The following PSEN1 variants were observed in gnomAD, a reference collection of about 807,000 sequenced individuals.
The protein encoded by PSEN1 is presenilin 1.
Under a neutral mutation model 53.5 loss-of-function variants are expected in PSEN1, and 15 were observed. The observed-to-expected ratio is 0.28, with a 90% CI of 0.19 to 0.43. The LOEUF is 0.43. Among genes scored for constraint, PSEN1 ranks in the 20% least tolerant of loss-of-function variants. The probability of loss-of-function intolerance (pLI) is 1.00; values close to 1 mark genes in which losing one functional copy is unlikely to be tolerated. For missense variants in PSEN1, 387 were observed against 571.2 expected (o/e 0.68, Z 3.29); for synonymous variants, 208 against 209.8 (o/e 0.99, Z 0.08).
intron 1 of PSEN1, among the ~76,000 whole-genome samples, chr14:73,145,347 T>C (rs1210502563): frequency 1.3e-5 from 2 of 152,152 alleles, no homozygotes; most frequent in Admixed American, 1.3e-4. Context: ...TATTATTTGT[T>C]TTTTTGAGAC....
chr14:73,141,839 T>G (rs7145968), intron 1 of PSEN1, among the ~76,000 whole-genome samples: 10,799 of 135,492 alleles, frequency 0.08, 649 homozygotes, highest in African/African-American at 0.19. Flanking sequence ...AGGCAGAGGC[T>G]GGCAGATCAC....
intron 5 of PSEN1, among the ~76,000 whole-genome samples, chr14:73,185,342 G>A (rs1898460599): frequency 6.6e-6 from 1 of 152,214 alleles, no homozygotes; most frequent in African/African-American, 2.4e-5. Context: ...ACGAGACTCC[G>A]TCTGCAATCC....
At position 73,210,002 on chromosome 14, in the gene PSEN1, A is replaced by T. The variant is rs149698571; in HGVS notation, c.956-1767A>T. ...CAATAATCAAAAACTCCTCCATCCT[A>T]GTTATTTCCAAACACTCCCCGGAAG... On this transcript the variant is annotated intron_variant, in intron 9 of 11. Transcript: ENST00000324501. 2.2e-3 allele frequency among the ~76,000 whole-genome samples: 338 copies of T among 152,350 alleles called. 1 individual carries two copies. The highest frequency in any genetic ancestry group is 7.7e-3 in the African/African-American group (319 of 41,584).
intron 7 of PSEN1, chr14:73,197,718 C>G: frequency 2.8e-6 from 1 of 361,182 alleles, no homozygotes; most frequent in South Asian, 2.6e-5. Context: ...TCATCATTAT[C>G]TCTGCAGCTT....
intron 5 of PSEN1, among the ~76,000 whole-genome samples, chr14:73,185,495 T>C (rs990780774): frequency 6.6e-6 from 1 of 152,096 alleles, no homozygotes; most frequent in South Asian, 2.1e-4. Flanking sequence ...CTCGGCAGGC[T>C]GAGTCAGGAG....
chr14:73,140,202 C>CTTTT (rs35223948), intron 1 of PSEN1, among the ~76,000 whole-genome samples: 13 of 73,040 alleles, frequency 1.8e-4, no homozygotes, highest in Non-Finnish European at 3.0e-4. Flanking sequence ...TTTTGCTATT[C>CTTTT]TTTTTTTTTT....
chr14:73,198,442 T>G (rs1375649513), intron 8 of PSEN1, among the ~76,000 whole-genome samples: 1 of 152,206 alleles, frequency 6.6e-6, no homozygotes, highest in Non-Finnish European at 1.5e-5. Flanking sequence ...CTGGTTTAGA[T>G]GTCTTTCTGC....
chr14:73,178,030 T>C (rs1445504110), intron 5 of PSEN1, among the ~76,000 whole-genome samples: 1 of 152,064 alleles, frequency 6.6e-6, no homozygotes. Context: ...GTGATTCTCC[T>C]GCCTCAGCCT....
intron 5 of PSEN1, among the ~76,000 whole-genome samples, chr14:73,184,096 C>T (rs866525672): frequency 2.2e-4 from 26 of 118,952 alleles, no homozygotes; most frequent in Non-Finnish European, 3.0e-4. Flanking sequence ...GCTGGCCGGG[C>T]GGGGGGCTGA....
chr14:73,137,804 C>G lies in PSEN1; in HGVS notation c.-136+1221C>G, dbSNP rs189176906. 1.6e-3 allele frequency among the ~76,000 whole-genome samples: 250 copies of G among 152,270 alleles called. 1 individual carries two copies. The highest frequency in any genetic ancestry group is 6.8e-3 in the Middle Eastern group (2 of 294). On this transcript the variant is annotated intron_variant, in intron 1 of 11. Coordinates refer to ENST00000324501, the MANE Select transcript of PSEN1 (RefSeq NM_000021.4). ...TAGCCAATAGAAATAAAATGTGAGG[C>G]CCGGGGCGGTGGCTCACGCCTGTAA...
intron 3 of PSEN1, among the ~76,000 whole-genome samples, chr14:73,165,917 G>A (rs1253762657): frequency 6.6e-6 from 1 of 151,748 alleles, no homozygotes; most frequent in Admixed American, 6.6e-5. Context: ...TTAAGCCGGC[G>A]CAGTGGTGGA....
At chr14:73,211,660 T>C in intron 9 of PSEN1, 109 bp from the exon 10 acceptor site, 1 of 1,212,744 alleles carries the variant, frequency 8.2e-7, no homozygotes, top group Non-Finnish European at 1.2e-6. Flanking sequence ...CTTTGTGGTT[T>C]AAGGGCCAGC....
intron 3 of PSEN1, among the ~76,000 whole-genome samples, chr14:73,156,669 G>GT (rs796273986): frequency 8.2e-4 from 119 of 144,716 alleles, no homozygotes; most frequent in Non-Finnish European, 8.5e-4. Context: ...AGTTTTGTTT[G>GT]TTTTTTTTTT....
chr14:73,161,983 C>A (rs1352001986), intron 3 of PSEN1, among the ~76,000 whole-genome samples: 1 of 143,164 alleles, frequency 7.0e-6, no homozygotes, highest in Non-Finnish European at 1.5e-5. Flanking sequence ...GGCGAAACCC[C>A]GTTTCCACTA....
rs139961867 is a variant in PSEN1 at position 73,169,835 on chromosome 14, G to A, written c.88-962G>A. On this transcript the variant is annotated intron_variant, in intron 3 of 11. Coordinates refer to ENST00000324501, the MANE Select transcript of PSEN1 (RefSeq NM_000021.4). The stretch of plus-strand genomic sequence containing the variant: ...TAATTTTTATATTTTTAGTAGAGAC[G>A]GGGTTTCACCATGTTGGCCAGGCTG... Among the ~76,000 whole-genome samples, 490 of 152,138 alleles carry A rather than the reference G, an allele frequency of 3.2e-3. 2 individuals are homozygous for A. Among genetic ancestry groups the A allele is most frequent in the African/African-American group, 8.8e-3 (365 of 41,516 alleles).
chr14:73,192,737 C>T lies in PSEN1; in HGVS notation c.642C>T (p.His214=). 1.9e-6 allele frequency: 3 copies of T among 1,613,836 alleles called. No individual in the cohort carries two copies. Among genetic ancestry groups the T allele is most frequent in the Non-Finnish European group, 2.5e-6 (3 of 1,179,754 alleles). ...GTGTGGTGGGAATGATTTCCATTCA[C>T]TGGAAAGGTCCACTTCGACTCCAGC... ...NFGVVGMISI[H]WKGPLRLQQA... is the part of the protein sequence containing the mutation. Residue 214 remains histidine (H), a synonymous_variant, in exon 7 of 12, where the codon CAC becomes CAT. Coordinates refer to ENST00000324501, the MANE Select transcript of PSEN1 (RefSeq NM_000021.4).
At chr14:73,187,059 TAA>T (rs2140081005) in intron 6 of PSEN1, 139 bp downstream of exon 6, 1 of 731,446 alleles carries the variant, frequency 1.4e-6, no homozygotes, top group South Asian at 1.5e-5. Flanking sequence ...ACTTGGTATA[TAA>T]AAGACTAGTC....
intron 4 of PSEN1, 69 bp from the exon 5 acceptor site, chr14:73,173,497 G>A (rs1595002147): frequency 1.4e-6 from 2 of 1,463,318 alleles, no homozygotes; most frequent in Non-Finnish European, 1.9e-6. Flanking sequence ...ATTCTGTGTT[G>A]GAGGTGGTAA....
chr14:73,179,594 G>A (rs1898146824), intron 5 of PSEN1, among the ~76,000 whole-genome samples: 1 of 152,154 alleles, frequency 6.6e-6, no homozygotes. Flanking sequence ...TCCAGCCTGA[G>A]CTACAGTGCG....
Sources: gnomAD v4.1 joint callset for allele counts (sites outside exome capture counted in the v4.1 genomes callset) on GRCh38, gnomAD v4.1.1 for gene constraint, MANE v1.5 for transcripts, NCBI Gene and HGNC (gene_info 2026-07-23, HGNC 2026-07-21) for gene names.